The following ALDH1L2 variants were observed in gnomAD, a reference collection of about 807,000 sequenced individuals.
The protein encoded by ALDH1L2 is mitochondrial 10-formyltetrahydrofolate dehydrogenase.
A neutral mutation model predicts 111.0 loss-of-function variants in ALDH1L2; 91 were observed. That is an observed-to-expected ratio of 0.82 (90% CI 0.69 to 0.98). The LOEUF (loss-of-function observed/expected upper bound fraction) is 0.98. ALDH1L2 is among the 50% of genes least tolerant of loss of function. The pLI is 0.00. For missense variants in ALDH1L2, 995 were observed against 1,126.8 expected (o/e 0.88, Z 1.67); for synonymous variants, 374 against 392.6 (o/e 0.95, Z 0.56).
chr12:105,038,989 A>G (rs770436993), intron 17 of ALDH1L2, among the ~76,000 whole-genome samples: 3 of 152,220 alleles, frequency 2.0e-5, no homozygotes, highest in Admixed American at 6.5e-5. Flanking sequence ...AAGTATTTTT[A>G]TTTAAAGCAT....
intron 15 of ALDH1L2, among the ~76,000 whole-genome samples, chr12:105,044,345 T>TGA (rs1428179477): frequency 6.6e-6 from 1 of 151,628 alleles, no homozygotes; most frequent in Non-Finnish European, 1.5e-5. Context: ...TGGAAAAACG[T>TGA]GACGCTTTTA....
intron 2 of ALDH1L2, chr12:105,072,389 G>A (rs907264517): frequency 6.6e-6 from 1 of 151,924 alleles, no homozygotes; most frequent in Admixed American, 6.6e-5. Context: ...AGGATGAGAT[G>A]ATGCCTCCAC....
intron 9 of ALDH1L2, among the ~76,000 whole-genome samples, chr12:105,059,329 G>A (rs1876845850): frequency 6.7e-6 from 1 of 149,096 alleles, no homozygotes; most frequent in Admixed American, 6.7e-5. Context: ...ACAGTACTGT[G>A]TGTGATGTAC....
chr12:105,070,436 G>T, intron 3 of ALDH1L2, 134 bp downstream of exon 3: 1 of 726,108 alleles, frequency 1.4e-6, no homozygotes, highest in Non-Finnish European at 2.2e-6. Context: ...TGGGTGTTCT[G>T]GCACAATCCT....
chr12:105,073,154 A>G (rs1877836781), intron 2 of ALDH1L2, among the ~76,000 whole-genome samples: 1 of 152,208 alleles, frequency 6.6e-6, no homozygotes, highest in Non-Finnish European at 1.5e-5. Flanking sequence ...CACTTTGTGT[A>G]CATTAATCTA....
Position 105,052,942 on chromosome 12 carries a change from T to C in ALDH1L2, c.1288-11A>G, listed in dbSNP as rs984633843. 1.9e-6 allele frequency: 3 copies of C among 1,612,222 alleles called. No individual in the cohort carries two copies. Among genetic ancestry groups the C allele is most frequent in the Non-Finnish European group, 2.5e-6 (3 of 1,178,534 alleles). ...GACCTCCTTTGAAATCTGAGAGAAGTATATTAATAGATTCAATGGATTTCC... is the reference window on the plus strand; with the variant it reads ...GACCTCCTTTGAAATCTGAGAGAAGCATATTAATAGATTCAATGGATTTCC... On this transcript the variant is annotated splice_polypyrimidine_tract_variant and intron_variant, in intron 10 of 22. Transcript: ENST00000258494.
chr12:105,076,978 A>C (rs1433840911), intron 1 of ALDH1L2, among the ~76,000 whole-genome samples: 1 of 152,256 alleles, frequency 6.6e-6, no homozygotes, highest in East Asian at 1.9e-4. Context: ...GGCAGGATTC[A>C]AACCTGGATC....
intron 4 of ALDH1L2, among the ~76,000 whole-genome samples, chr12:105,067,072 C>T (rs141143639): frequency 0.024 from 3,658 of 151,864 alleles, 162 homozygotes; most frequent in African/African-American, 0.085. Flanking sequence ...AAAAATCAGC[C>T]GGGCGTGGTG....
At chr12:105,034,754 G>C (rs1479597338) in intron 18 of ALDH1L2, among the ~76,000 whole-genome samples, 1 of 152,162 alleles carries the variant, frequency 6.6e-6, no homozygotes, top group Non-Finnish European at 1.5e-5. Context: ...GGGAGGCTGA[G>C]GCGGGCAGAT....
Position 105,084,438 on chromosome 12 carries a change from C to A in ALDH1L2, c.-2G>T. 6.7e-7 allele frequency: 1 copy of A among 1,492,590 alleles called. No homozygotes were observed. Among genetic ancestry groups the A allele is most frequent in the Non-Finnish European group, 8.9e-7 (1 of 1,128,882 alleles). 92.5% of individuals were successfully genotyped at this position (1,492,590 alleles called of 1,614,324 possible). A position where few individuals can be genotyped will look rare whatever the true frequency, so the allele number is the denominator to read the frequency against. On this transcript the variant is annotated 5_prime_UTR_variant, in exon 1 of 23. Transcript: ENST00000258494. ...CGCCTGGCTGCCCCGCCGCAGCATGCTGGAGAGGAGCGCTAGCACTGGCGA... is the reference window on the plus strand; with the variant it reads ...CGCCTGGCTGCCCCGCCGCAGCATGATGGAGAGGAGCGCTAGCACTGGCGA...
rs1445474264 is a variant in ALDH1L2 at position 105,023,729 on chromosome 12, C to T, written c.*695G>A. On this transcript the variant is annotated 3_prime_UTR_variant, in exon 23 of 23. Transcript: ENST00000258494. ...GTATGATACGACCAGGATCAGCCTT[C>T]TACTATATCATATGTAAAATTTGCT... The T allele has an allele frequency of 1.3e-5, 2 of 152,130 alleles. No homozygotes were observed. Among genetic ancestry groups the T allele is most frequent in the African/African-American group, 4.8e-5 (2 of 41,422 alleles). The allele number at this position is 152,130 out of a possible 1,614,324, so 9.4% of individuals were successfully genotyped here. A position where few individuals can be genotyped will look rare whatever the true frequency, so the allele number is the denominator to read the frequency against.
chr12:105,030,448 G>T lies in ALDH1L2; in HGVS notation c.2411-19C>A. On this transcript the variant is annotated intron_variant, in intron 20 of 22. Transcript: ENST00000258494. The stretch of plus-strand genomic sequence containing the variant: ...AAAAAGCCTTTTTGGAAAAAACAAA[G>T]AAAAAATGTCAACTGTAGGTTAAGT... 6.3e-7 allele frequency: 1 copy of T among 1,592,174 alleles called. No homozygotes were observed. Among genetic ancestry groups the T allele is most frequent in the African/African-American group, 1.4e-5 (1 of 74,048 alleles).
chr12:105,069,557 T>C (rs1368011796), intron 3 of ALDH1L2, among the ~76,000 whole-genome samples: 2 of 152,174 alleles, frequency 1.3e-5, no homozygotes, highest in East Asian at 3.8e-4. Flanking sequence ...CAGTGTAAAT[T>C]GAGAAAAAGT....
At chr12:105,070,855 A>G (rs779920019) in intron 2 of ALDH1L2, 51 bp from the exon 3 acceptor site, 2 of 1,387,660 alleles carry the variant, frequency 1.4e-6, no homozygotes, top group Non-Finnish European at 2.0e-6. Flanking sequence ...ATAATTTTAC[A>G]TCACTATGAA....
intron 21 of ALDH1L2, 166 bp downstream of exon 21, chr12:105,030,158 C>G: frequency 2.2e-6 from 1 of 452,626 alleles, no homozygotes; most frequent in East Asian, 3.6e-5. Context: ...ATACTATGAT[C>G]TACGATGGTT....
chr12:105,040,877 A>T (rs1875490324), intron 15 of ALDH1L2, among the ~76,000 whole-genome samples, 183 bp from the exon 16 acceptor site: 1 of 152,222 alleles, frequency 6.6e-6, no homozygotes, highest in African/African-American at 2.4e-5. Flanking sequence ...TTCCTTATAT[A>T]CATTTCCATT....
chr12:105,060,868 T>G, intron 9 of ALDH1L2, 113 bp downstream of exon 9: 1 of 726,010 alleles, frequency 1.4e-6, no homozygotes, highest in Non-Finnish European at 2.2e-6. Context: ...TAGATAGGTA[T>G]GATAAGGTAA....
At chr12:105,049,087 G>C (rs1317811720) in intron 13 of ALDH1L2, among the ~76,000 whole-genome samples, 2 of 152,018 alleles carry the variant, frequency 1.3e-5, no homozygotes, top group African/African-American at 4.8e-5. Flanking sequence ...CATATTCAAA[G>C]ACAAAGTTTT....
intron 20 of ALDH1L2, among the ~76,000 whole-genome samples, chr12:105,031,097 G>A (rs1874673518): frequency 6.6e-6 from 1 of 152,040 alleles, no homozygotes; most frequent in African/African-American, 2.4e-5. Flanking sequence ...GATGATATTT[G>A]TTTCTCTATC....
Sources: gnomAD v4.1 joint callset for allele counts (sites outside exome capture counted in the v4.1 genomes callset) on GRCh38, gnomAD v4.1.1 for gene constraint, MANE v1.5 for transcripts, NCBI Gene and HGNC (gene_info 2026-07-23, HGNC 2026-07-21) for gene names.